Variants in EGF observed in about 807,000 individuals in gnomAD.
The protein encoded by EGF is pro-epidermal growth factor.
A neutral mutation model predicts 143.8 loss-of-function variants in EGF; 95 were observed. The observed-to-expected ratio is 0.66, with a 90% CI of 0.56 to 0.78. EGF has a LOEUF of 0.78. Among genes scored for constraint, EGF ranks in the 30% least tolerant of loss-of-function variants. EGF has a pLI of 0.00. For missense variants in EGF, 1,320 were observed against 1,470.9 expected (o/e 0.90, Z 1.68); for synonymous variants, 510 against 510.5 (o/e 1.00, Z 0.01).
chr4:109,939,565 C>T (rs1741551817), intron 1 of EGF, among the ~76,000 whole-genome samples: 1 of 152,228 alleles, frequency 6.6e-6, no homozygotes, highest in African/African-American at 2.4e-5. Flanking sequence ...CAACCAGTCC[C>T]AGTGGGATGA....
rs4631111 is a variant in EGF at position 109,934,270 on chromosome 4, G to A, written c.128-6676G>A. 0.013 allele frequency among the ~76,000 whole-genome samples: 1,985 copies of A among 152,252 alleles called. 207 individuals carry two copies. In the East Asian group the frequency reaches 0.23, roughly 18 times the overall value. On this transcript the variant is annotated intron_variant, in intron 1 of 23. Transcript: ENST00000265171. ...TGCTGAAGTTGCCTATCAGCTTAAG[G>A]AGATTTTGGGCTAAGACGATGGGGT...
chr4:109,942,533 T>A (rs1742095451), intron 2 of EGF, among the ~76,000 whole-genome samples: 1 of 152,218 alleles, frequency 6.6e-6, no homozygotes, highest in South Asian at 2.1e-4. Flanking sequence ...GTTGAATATT[T>A]ACACCATGAA....
chr4:109,943,239 A>G lies in EGF; in HGVS notation c.328-15A>G. On this transcript the variant is annotated splice_polypyrimidine_tract_variant and intron_variant, in intron 2 of 23. Transcript: ENST00000265171. ...GGGGAAGTATTAATAACAATTTTAA[A>G]ATTTGATTTTGCAGAGAGTATGTAA... 6.4e-7 allele frequency: 1 copy of G among 1,554,356 alleles called. No individual in the cohort carries two copies.
At chr4:109,983,765 T>C (rs1749727571) in intron 16 of EGF, among the ~76,000 whole-genome samples, 1 of 152,230 alleles carries the variant, frequency 6.6e-6, no homozygotes, top group African/African-American at 2.4e-5. Flanking sequence ...TCTTTGGGTG[T>C]GAGTCTTTGT....
At chr4:109,995,233 A>T (rs1262293836) in intron 20 of EGF, among the ~76,000 whole-genome samples, 1 of 152,154 alleles carries the variant, frequency 6.6e-6, no homozygotes, top group South Asian at 2.1e-4. Flanking sequence ...TTTCCATCAA[A>T]TGTGCTTTAT....
chr4:109,943,956 T>C lies in EGF; in HGVS notation c.624T>C (p.Asp208=). ...AGAAAATAACAGCTGTGTCATTGGATGTGCTTGATAAGCGGCTGTTTTGGA... is the reference window on the plus strand; with the variant it reads ...AGAAAATAACAGCTGTGTCATTGGACGTGCTTGATAAGCGGCTGTTTTGGA... ...TSEKITAVSL[D]VLDKRLFWIQ... The change falls in exon 4 of 24, where the codon GAT becomes GAC. Residue 208 remains aspartate, a synonymous_variant. Coordinates refer to ENST00000265171, the MANE Select transcript of EGF (RefSeq NM_001963.6). The C allele has an allele frequency of 1.2e-6, 2 of 1,614,172 alleles. No homozygotes were observed. Among genetic ancestry groups the C allele is most frequent in the African/African-American group, 1.3e-5 (1 of 75,040 alleles).
intron 19 of EGF, 29 bp from the exon 20 acceptor site, chr4:109,994,704 A>C: frequency 6.2e-7 from 1 of 1,612,576 alleles, no homozygotes; most frequent in African/African-American, 1.3e-5. Context: ...CCATTCAGAA[A>C]GTAAAAGTAA....
intron 5 of EGF, chr4:109,959,103 C>A (rs1361641714): frequency 3.1e-6 from 2 of 635,146 alleles, no homozygotes. Context: ...GATGCCCAAT[C>A]CTGAGAGGTT....
At position 109,969,117 on chromosome 4, in the gene EGF, A is replaced by G. The variant is rs927475620; in HGVS notation, c.1722A>G (p.Arg574=). ...GCCGTAGATTCTATTGGACAGACAG[A>G]GGGTATGTTTTCTGCTTCAGTTTTA... ...WIGRRFYWTD[R]GKSLIGRSDL... is the part of the protein sequence containing the mutation. The change falls in exon 11 of 24, where the codon AGA becomes AGG. Residue 574 remains arginine (R), a splice_region_variant and synonymous_variant. Transcript: ENST00000265171. The G allele has an allele frequency of 6.2e-7, 1 of 1,614,086 alleles. No homozygotes were observed. The highest frequency in any genetic ancestry group is 1.6e-4 in the Middle Eastern group (1 of 6,062).
At position 109,988,502 on chromosome 4, in the gene EGF, C is replaced by T. The variant is rs1324865252; in HGVS notation, c.2609-82C>T. The T allele has an allele frequency of 1.0e-5, 16 of 1,590,104 alleles. No individual in the cohort carries two copies. The East Asian group carries it at 1.1e-4, about 11-fold the overall frequency. ...AAGGACTGAATAAGAATTGAATATA[C>T]GATTATGCTTATTCTTTCCAACTAG... On this transcript the variant is annotated intron_variant, in intron 17 of 23. Transcript: ENST00000265171.
intron 20 of EGF, among the ~76,000 whole-genome samples, 162 bp from the exon 21 acceptor site, chr4:109,999,517 A>G (rs1752268392): frequency 6.6e-6 from 1 of 152,220 alleles, no homozygotes; most frequent in African/African-American, 2.4e-5. Flanking sequence ...TTAACTTGTA[A>G]ATCATAGCGC....
At chr4:109,969,384 A>T (rs1007715053) in intron 11 of EGF, among the ~76,000 whole-genome samples, 1 of 152,162 alleles carries the variant, frequency 6.6e-6, no homozygotes, top group Non-Finnish European at 1.5e-5. Context: ...GTTCTCACTC[A>T]TAAGTGGGAG....
At chr4:109,958,326 T>C (rs1745125312) in intron 5 of EGF, among the ~76,000 whole-genome samples, 1 of 152,194 alleles carries the variant, frequency 6.6e-6, no homozygotes, top group East Asian at 1.9e-4. Flanking sequence ...AATCCACAGA[T>C]ATGGAGGGCC....
intron 16 of EGF, among the ~76,000 whole-genome samples, chr4:109,983,832 G>A (rs1749738505): frequency 6.6e-6 from 1 of 152,198 alleles, no homozygotes; most frequent in South Asian, 2.1e-4. Flanking sequence ...CAACATATTT[G>A]AATGTATTTC....
At position 109,994,895 on chromosome 4, in the gene EGF, CT is replaced by C. The variant is rs1751553285; in HGVS notation, c.3005+17del. ...TATGCATGCAAGTAAGTTAAACTGT[CT>C]TGCTGATGGCACAGAGAGATGCTAT... On this transcript the variant is annotated intron_variant, in intron 20 of 23. Transcript: ENST00000265171. 6.2e-7 allele frequency: 1 copy of C among 1,613,918 alleles called. No homozygotes were observed. The highest frequency in any genetic ancestry group is 8.5e-7 in the Non-Finnish European group (1 of 1,179,948).
intron 17 of EGF, 96 bp from the exon 18 acceptor site, chr4:109,988,488 A>G (rs1234868625): frequency 1.3e-6 from 2 of 1,578,724 alleles, no homozygotes; most frequent in Non-Finnish European, 1.7e-6. Flanking sequence ...AGGACTGAAT[A>G]AGAATTGAAT....
intron 13 of EGF, among the ~76,000 whole-genome samples, chr4:109,976,946 T>C (rs1308040301): frequency 6.6e-6 from 1 of 152,214 alleles, no homozygotes; most frequent in Non-Finnish European, 1.5e-5. Context: ...AATGTATATG[T>C]TAAGATTGGC....
At chr4:109,924,543 A>G (rs556749108) in intron 1 of EGF, among the ~76,000 whole-genome samples, 1 of 150,420 alleles carries the variant, frequency 6.6e-6, no homozygotes, top group Admixed American at 6.6e-5. Context: ...ATCCACATAC[A>G]CAGGGATTCC....
intron 17 of EGF, among the ~76,000 whole-genome samples, chr4:109,988,143 T>G (rs1049152228): frequency 2.1e-5 from 3 of 143,678 alleles, no homozygotes; most frequent in African/African-American, 7.7e-5. Flanking sequence ...AAGCATGAAT[T>G]TGAGTTCAAG....
Sources: allele counts gnomAD v4.1 joint callset (sites outside exome capture counted in the v4.1 genomes callset), GRCh38; gene constraint gnomAD v4.1.1; transcripts MANE v1.5; gene names NCBI Gene and HGNC (gene_info 2026-07-23, HGNC 2026-07-21).